PIEZO2: variants seen among roughly 807,000 people sequenced by gnomAD.
PIEZO2 encodes the protein piezo-type mechanosensitive ion channel component 2.
PIEZO2 carries 172 observed loss-of-function variants against 337.3 expected under a neutral mutation model. The ratio of observed to expected loss-of-function variants is 0.51; its 90% confidence interval spans 0.45 to 0.58. The LOEUF is 0.58. PIEZO2 is among the 20% of genes least tolerant of loss of function. The pLI is 0.00. For missense variants in PIEZO2, 3,028 were observed against 3,391.3 expected (o/e 0.89, Z 2.66); for synonymous variants, 1,251 against 1,228.5 (o/e 1.02, Z -0.38).
At chr18:10,873,518 T>C (rs1289393261) in intron 4 of PIEZO2, among the ~76,000 whole-genome samples, 1 of 152,224 alleles carries the variant, frequency 6.6e-6, no homozygotes, top group Non-Finnish European at 1.5e-5. Context: ...AAGTTCATTA[T>C]TTACCTACTG....
At chr18:11,050,175 A>C (rs2037472304) in intron 2 of PIEZO2, among the ~76,000 whole-genome samples, 1 of 152,184 alleles carries the variant, frequency 6.6e-6, no homozygotes, top group African/African-American at 2.4e-5. Flanking sequence ...ACAGGCGTCT[A>C]ATTTTTTTTA....
intron 54 of PIEZO2, 109 bp downstream of exon 54, chr18:10,675,100 G>C (rs2033935572): frequency 1.4e-6 from 1 of 694,554 alleles, no homozygotes; most frequent in Non-Finnish European, 2.4e-6. Flanking sequence ...CTGTCACACA[G>C]GGAGAGATAA....
Position 10,726,921 on chromosome 18 carries a change from T to C in PIEZO2, c.5029+4486A>G. 6.4e-7 allele frequency: 1 copy of C among 1,562,624 alleles called. No individual in the cohort carries two copies. Among genetic ancestry groups the C allele is most frequent in the Admixed American group, 1.8e-5 (1 of 54,974 alleles). Reference sequence around the variant, plus strand: ...ACCGGCTGGATGTGGCGGAGCTGGGTCGCCTGCTGCCCGACTGATGTAGGT... The same window carrying C: ...ACCGGCTGGATGTGGCGGAGCTGGGCCGCCTGCTGCCCGACTGATGTAGGT... On this transcript the variant is annotated intron_variant, in intron 36 of 55. Coordinates refer to ENST00000674853, the MANE Select transcript of PIEZO2 (RefSeq NM_001378183.1). The surrounding 1 kb of genome is among the most constrained non-coding windows in gnomAD (Gnocchi z 5.9).
intron 21 of PIEZO2, among the ~76,000 whole-genome samples, chr18:10,764,512 G>T (rs2038272967): frequency 6.6e-6 from 1 of 151,402 alleles, no homozygotes; most frequent in Admixed American, 6.6e-5. Flanking sequence ...GTGGTGGCAG[G>T]CTCCTGTAAT....
chr18:10,871,106 A>C, intron 5 of PIEZO2, 147 bp downstream of exon 5: 1 of 834,264 alleles, frequency 1.2e-6, no homozygotes, highest in Non-Finnish European at 1.8e-6. Context: ...CGAGGGTGTC[A>C]TGCAATTTGA....
At chr18:10,905,115 T>C (rs2145032121) in intron 4 of PIEZO2, among the ~76,000 whole-genome samples, 1 of 152,362 alleles carries the variant, frequency 6.6e-6, no homozygotes, top group South Asian at 2.1e-4. Context: ...TTTTACATTA[T>C]AATTTCAAAA....
chr18:10,720,571 C>T (rs1358010276), intron 36 of PIEZO2, among the ~76,000 whole-genome samples: 1 of 148,948 alleles, frequency 6.7e-6, no homozygotes, highest in African/African-American at 2.5e-5. Flanking sequence ...GATCCTCCCT[C>T]CTCAGCCTCC....
intron 2 of PIEZO2, among the ~76,000 whole-genome samples, chr18:11,041,427 C>T (rs1244347925): frequency 4.0e-5 from 6 of 151,868 alleles, no homozygotes; most frequent in Non-Finnish European, 5.9e-5. Context: ...AGTTCAGCCT[C>T]GAGTTCATGA....
intron 5 of PIEZO2, among the ~76,000 whole-genome samples, chr18:10,867,644 A>C (rs989939690): frequency 2.0e-5 from 3 of 152,162 alleles, no homozygotes; most frequent in African/African-American, 7.2e-5. Context: ...TTAATAATAC[A>C]TTAAAATACT....
intron 2 of PIEZO2, among the ~76,000 whole-genome samples, chr18:11,046,606 G>T (rs1428380784): frequency 1.3e-5 from 2 of 152,214 alleles, no homozygotes; most frequent in African/African-American, 4.8e-5. Flanking sequence ...GGCTCCGCTG[G>T]GTGCTCGCTC....
intron 7 of PIEZO2, among the ~76,000 whole-genome samples, chr18:10,852,025 A>T (rs565364596): frequency 3.9e-5 from 6 of 152,236 alleles, no homozygotes; most frequent in African/African-American, 7.2e-5. Context: ...TTTTCAATTA[A>T]GTCATCCTCT....
intron 47 of PIEZO2, among the ~76,000 whole-genome samples, chr18:10,693,533 C>CTT (rs1366384508): frequency 7.4e-5 from 9 of 121,474 alleles, no homozygotes; most frequent in Non-Finnish European, 1.5e-4. Flanking sequence ...CCACATAAGG[C>CTT]ATTTTTTTTT....
At position 10,671,789 on chromosome 18, in the gene PIEZO2, A is replaced by G. The variant is rs373472114; in HGVS notation, c.8346-10T>C. The G allele has an allele frequency of 1.3e-5, 21 of 1,595,818 alleles. No individual in the cohort carries two copies. In the African/African-American group the frequency reaches 2.8e-4, roughly 22 times the overall value. Reference sequence around the variant, plus strand: ...ATATAATCCCATAATACTGAAAAAAACAGTAAGTAGAAATTGCATACAGCA... The same window carrying G: ...ATATAATCCCATAATACTGAAAAAAGCAGTAAGTAGAAATTGCATACAGCA... On this transcript the variant is annotated splice_polypyrimidine_tract_variant and intron_variant, in intron 55 of 55. Coordinates refer to ENST00000674853, the MANE Select transcript of PIEZO2 (RefSeq NM_001378183.1).
intron 2 of PIEZO2, among the ~76,000 whole-genome samples, chr18:11,007,983 C>T (rs1353614629): frequency 6.6e-6 from 1 of 152,198 alleles, no homozygotes; most frequent in African/African-American, 2.4e-5. Context: ...CAGCTGAAGT[C>T]AGGCAGAGTC....
chr18:10,719,002 TA>T (rs1181724259), intron 36 of PIEZO2, among the ~76,000 whole-genome samples: 142 of 150,806 alleles, frequency 9.4e-4, no homozygotes, highest in African/African-American at 3.3e-3. Flanking sequence ...AATAAATAAA[TA>T]AATAAATAAA....
rs2040245254 is a variant in PIEZO2 at position 10,813,012 on chromosome 18, C to A, written c.918-5738G>T. Among the ~76,000 whole-genome samples the A allele has an allele frequency of 1.3e-5, 2 of 149,834 alleles. No homozygotes were observed. The highest frequency in any genetic ancestry group is 1.3e-4 in the Admixed American group (2 of 15,020). On this transcript the variant is annotated intron_variant, in intron 7 of 55. Transcript: ENST00000674853. The surrounding 1 kb of genome is among the most constrained non-coding windows in gnomAD (Gnocchi z 4.2). ...TTTTTTTTTTTTCTTGAGACGGAGT[C>A]TCACTCTGTCACCCGGGCTGGAGTG... is the stretch of plus-strand genomic sequence containing the variant.
Position 11,097,840 on chromosome 18 carries a change from A to G in PIEZO2, c.65-31618T>C, listed in dbSNP as rs1330073882. ...TTTCTAAAGACTTCTGTGGACTTCT[A>G]TGTTTTGTCTTTATTCAAAGAATTT... is the stretch of plus-strand genomic sequence containing the variant. On this transcript the variant is annotated intron_variant, in intron 1 of 55. Transcript: ENST00000674853. This position sits in a 1 kb window ranked among gnomAD's most constrained non-coding sequence, Gnocchi z 5.0. Among the ~76,000 whole-genome samples the G allele has an allele frequency of 1.3e-5, 2 of 152,152 alleles. No homozygotes were observed. Among genetic ancestry groups the G allele is most frequent in the African/African-American group, 4.8e-5 (2 of 41,428 alleles).
rs1260777882 is a variant in PIEZO2, at chr18:10,969,988, G to A, written c.286+9547C>T. Among the ~76,000 whole-genome samples, 1 of 148,994 alleles carries A rather than the reference G, an allele frequency of 6.7e-6. No individual in the cohort carries two copies. Among genetic ancestry groups the A allele is most frequent in the Non-Finnish European group, 1.5e-5 (1 of 66,540 alleles). On this transcript the variant is annotated intron_variant, in intron 3 of 55. Coordinates refer to ENST00000674853, the MANE Select transcript of PIEZO2 (RefSeq NM_001378183.1). This position sits in a 1 kb window ranked among gnomAD's most constrained non-coding sequence, Gnocchi z 4.5. ...TGCTATACATCAGCCACTGTGGTCA[G>A]TGCTCAGGTTACAAAAAAAAATGAA...
chr18:10,930,040 G>C (rs75444896), intron 3 of PIEZO2, among the ~76,000 whole-genome samples: 3,301 of 152,228 alleles, frequency 0.022, 143 homozygotes, highest in African/African-American at 0.075. Context: ...GTGGCAATAA[G>C]ATACCAAATT....
Sources: gnomAD v4.1 joint callset for allele counts (sites outside exome capture counted in the v4.1 genomes callset) on GRCh38, gnomAD v4.1.1 for gene constraint, Gnocchi (gnomAD v3.1) non-coding constraint, MANE v1.5 for transcripts, NCBI Gene and HGNC (gene_info 2026-07-23, HGNC 2026-07-21) for gene names.